The following HHAT variants were observed in gnomAD, a reference collection of about 807,000 sequenced individuals.
HHAT encodes protein-cysteine N-palmitoyltransferase HHAT.
A neutral mutation model predicts 70.8 loss-of-function variants in HHAT; 47 were observed. The ratio of observed to expected loss-of-function variants is 0.66; its 90% CI spans 0.53 to 0.85. HHAT has a LOEUF of 0.85. Among genes scored for constraint, HHAT ranks in the 40% least tolerant of loss-of-function variants. HHAT has a pLI of 0.00. For missense variants in HHAT, 609 were observed against 604.8 expected (o/e 1.01, Z -0.07); for synonymous variants, 228 against 247.6 (o/e 0.92, Z 0.74).
chr1:210,668,972 A>G lies in HHAT; in HGVS notation c.1391-5316A>G, dbSNP rs527847540. 2.0e-5 allele frequency among the ~76,000 whole-genome samples: 3 copies of G among 152,182 alleles called. No homozygotes were observed. The South Asian group carries it at 6.2e-4, about 32-fold the overall frequency. On this transcript the variant is annotated intron_variant, in intron 11 of 11. Coordinates refer to ENST00000261458, the MANE Select transcript of HHAT (RefSeq NM_018194.6). ...GTATTTTTAGTAGAGAAGGGGTTTC[A>G]CTATGTTGACCAGGCTGGTTTCAAA...
chr1:210,651,100 C>G (rs2148933925), intron 11 of HHAT, among the ~76,000 whole-genome samples: 1 of 152,272 alleles, frequency 6.6e-6, no homozygotes, highest in South Asian at 2.1e-4. Context: ...AAAGAGAACA[C>G]TTGGTAAGAA....
chr1:210,401,554 C>T (rs975103547), intron 5 of HHAT, among the ~76,000 whole-genome samples: 1 of 152,240 alleles, frequency 6.6e-6, no homozygotes, highest in Admixed American at 6.5e-5. Context: ...CAGACTCAAC[C>T]ACCTATCCAT....
At chr1:210,439,007 G>A (rs773434897) in intron 7 of HHAT, among the ~76,000 whole-genome samples, 4 of 151,832 alleles carry the variant, frequency 2.6e-5, no homozygotes, top group East Asian at 1.9e-4. Flanking sequence ...GCATCTGACC[G>A]CCAGGAAGGC....
At chr1:210,615,384 C>A (rs932581494) in intron 10 of HHAT, among the ~76,000 whole-genome samples, 2 of 152,210 alleles carry the variant, frequency 1.3e-5, no homozygotes, top group Non-Finnish European at 2.9e-5. Context: ...TGGGTTCGAA[C>A]TTCCTCCTTT....
chr1:210,549,239 T>TG (rs1247667769), intron 9 of HHAT, among the ~76,000 whole-genome samples: 2 of 149,284 alleles, frequency 1.3e-5, no homozygotes, highest in African/African-American at 5.0e-5. Flanking sequence ...TTTATTACTG[T>TG]GGGTGAGGAA....
At position 210,606,577 on chromosome 1, in the gene HHAT, T is replaced by A. The variant is rs1295711979; in HGVS notation, c.1246-16949T>A. ...CCTACCTGACTCACTGCTCTTTAGA[T>A]GCTCTGTTTAGCTGTTGCACTGATG... On this transcript the variant is annotated intron_variant, in intron 10 of 11. Coordinates refer to ENST00000261458, the MANE Select transcript of HHAT (RefSeq NM_018194.6). Among the ~76,000 whole-genome samples, 3 of 152,316 alleles carry A rather than the reference T, an allele frequency of 2.0e-5. No homozygotes were observed. In the East Asian group the frequency reaches 5.8e-4, roughly 29 times the overall value.
At chr1:210,551,240 CGCT>C (rs1296741714) in intron 9 of HHAT, among the ~76,000 whole-genome samples, 1 of 148,664 alleles carries the variant, frequency 6.7e-6, no homozygotes, top group Non-Finnish European at 1.5e-5. Flanking sequence ...TAGTGCGGCC[CGCT>C]GCAAAGCCCA....
chr1:210,477,649 C>T (rs2501898), intron 8 of HHAT, among the ~76,000 whole-genome samples: 25,514 of 152,186 alleles, frequency 0.17, 2,355 homozygotes, highest in East Asian at 0.42. Flanking sequence ...TTCTGGGAAA[C>T]TTGCTAGCTG....
chr1:210,458,879 CAAAG>C (rs1358467585), intron 7 of HHAT, among the ~76,000 whole-genome samples: 1 of 152,140 alleles, frequency 6.6e-6, no homozygotes, highest in Non-Finnish European at 1.5e-5. Flanking sequence ...AGATTAAACA[CAAAG>C]AAGGGCTGGG....
chr1:210,541,958 C>T (rs1317476595), intron 9 of HHAT, among the ~76,000 whole-genome samples: 3 of 152,080 alleles, frequency 2.0e-5, no homozygotes, highest in Non-Finnish European at 4.4e-5. Context: ...TCAGCGTCAG[C>T]GCTTATTCCA....
chr1:210,643,761 A>T (rs960237574), intron 11 of HHAT, among the ~76,000 whole-genome samples: 1 of 152,118 alleles, frequency 6.6e-6, no homozygotes, highest in Non-Finnish European at 1.5e-5. Context: ...GGAACATCTT[A>T]TTCAATTTAA....
At chr1:210,659,307 C>T (rs1317709505) in intron 11 of HHAT, among the ~76,000 whole-genome samples, 1 of 152,164 alleles carries the variant, frequency 6.6e-6, no homozygotes, top group Non-Finnish European at 1.5e-5. Flanking sequence ...ACTATAAACA[C>T]CTCTATGCAA....
chr1:210,564,649 A>T (rs1198077814), intron 9 of HHAT, among the ~76,000 whole-genome samples: 1 of 152,256 alleles, frequency 6.6e-6, no homozygotes, highest in Non-Finnish European at 1.5e-5. Flanking sequence ...TAAGGAGTAC[A>T]GTAGTGGTAA....
At chr1:210,357,359 C>T (rs1286130206) in intron 2 of HHAT, among the ~76,000 whole-genome samples, 1 of 152,188 alleles carries the variant, frequency 6.6e-6, no homozygotes, top group Admixed American at 6.5e-5. Context: ...TGAGAGGTGC[C>T]TTCTCTATAC....
intron 6 of HHAT, among the ~76,000 whole-genome samples, chr1:210,414,552 G>A (rs2092660762): frequency 6.6e-6 from 1 of 152,110 alleles, no homozygotes. Context: ...ACATGGAGAA[G>A]AATACTCACT....
chr1:210,346,214 T>G (rs907604213), intron 1 of HHAT, among the ~76,000 whole-genome samples: 3 of 152,212 alleles, frequency 2.0e-5, no homozygotes, highest in African/African-American at 7.2e-5. Flanking sequence ...TCTAAAACTT[T>G]CATTCAGTCT....
chr1:210,419,154 T>C (rs554511652), intron 7 of HHAT, among the ~76,000 whole-genome samples: 3 of 152,244 alleles, frequency 2.0e-5, no homozygotes, highest in East Asian at 1.9e-4. Context: ...ATCTGTAAAA[T>C]AGGGAGACTT....
At chr1:210,448,198 C>T (rs1182452869) in intron 7 of HHAT, among the ~76,000 whole-genome samples, 1 of 151,712 alleles carries the variant, frequency 6.6e-6, no homozygotes, top group Non-Finnish European at 1.5e-5. Flanking sequence ...TCTCCTGGCT[C>T]AGCTGCCTGA....
intron 7 of HHAT, among the ~76,000 whole-genome samples, chr1:210,454,508 C>G (rs989832077): frequency 9.9e-5 from 15 of 152,074 alleles, no homozygotes; most frequent in Admixed American, 6.5e-5. Flanking sequence ...AAGCCGAGAT[C>G]GTGCCACTGC....
Sources: gnomAD v4.1 joint callset for allele counts (sites outside exome capture counted in the v4.1 genomes callset) on GRCh38, gnomAD v4.1.1 for gene constraint, MANE v1.5 for transcripts, NCBI Gene and HGNC (gene_info 2026-07-23, HGNC 2026-07-21) for gene names.